Variants in COL23A1 observed in about 807,000 individuals in gnomAD.
COL23A1 encodes the protein collagen alpha-1(XXIII) chain.
Under a neutral mutation model 99.3 loss-of-function variants are expected in COL23A1, and 97 were observed. The ratio of observed to expected loss-of-function variants is 0.98; its 90% CI spans 0.83 to 1.16. COL23A1 has a LOEUF of 1.16. Among genes scored for constraint, COL23A1 ranks in the 50% most tolerant of loss-of-function variants. COL23A1 has a pLI of 0.00. For synonymous variants in COL23A1, 320 were observed against 308.2 expected, an observed-to-expected ratio of 1.04 and a Z score of -0.40; for missense variants, 762 against 757.4, an observed-to-expected ratio of 1.01 and a Z score of -0.07.
chr5:178,409,635 C>A (rs72822880), intron 2 of COL23A1, among the ~76,000 whole-genome samples: 30,557 of 152,098 alleles, frequency 0.2, 3,500 homozygotes, highest in East Asian at 0.47. Context: ...TTGAAACATT[C>A]TGTGAATCCA....
At chr5:178,356,445 G>A (rs1393191108) in intron 2 of COL23A1, among the ~76,000 whole-genome samples, 1 of 152,156 alleles carries the variant, frequency 6.6e-6, no homozygotes, top group Non-Finnish European at 1.5e-5. Context: ...GGGGGCATTT[G>A]TTTGAGGTAT....
rs1346481085 is a variant in COL23A1, at chr5:178,313,404, G to T, written c.362-6485C>A. ...AGAAAACAAAACAAACACCCCAGGG[G>T]TCTCAGCTACCCCTGAGCGAGGCTG... On this transcript the variant is annotated intron_variant, in intron 2 of 28. Coordinates refer to ENST00000390654, the MANE Select transcript of COL23A1 (RefSeq NM_173465.4). This position sits in a 1 kb window ranked among gnomAD's most constrained non-coding sequence, Gnocchi z 4.2. Among the ~76,000 whole-genome samples the T allele has an allele frequency of 6.6e-6, 1 of 152,214 alleles. No homozygotes were observed. The highest frequency in any genetic ancestry group is 2.4e-5 in the African/African-American group (1 of 41,444).
intron 8 of COL23A1, 135 bp downstream of exon 8, chr5:178,267,172 G>T: frequency 1.1e-6 from 1 of 946,988 alleles, no homozygotes; most frequent in Non-Finnish European, 1.7e-6. Context: ...GGTGCTATGG[G>T]TGGGGAAGAG....
In COL23A1 at chr5:178,589,883, G is replaced by T. The variant is rs1235756388; in HGVS notation, c.294+21C>A. The T allele has an allele frequency of 1.5e-6, 2 of 1,295,852 alleles. No individual in the cohort carries two copies. The highest frequency in any genetic ancestry group is 1.9e-6 in the Non-Finnish European group (2 of 1,026,172). The allele number at this position is 1,295,852 out of a possible 1,614,324, so 80.3% of individuals were successfully genotyped here. A position where few individuals can be genotyped will look rare whatever the true frequency, so the allele number is the denominator to read the frequency against. On this transcript the variant is annotated intron_variant, in intron 1 of 28. Coordinates refer to ENST00000390654, the MANE Select transcript of COL23A1 (RefSeq NM_173465.4). The surrounding 1 kb of genome is among the most constrained non-coding windows in gnomAD (Gnocchi z 5.4). Reference sequence around the variant, plus strand: ...ACCCGACACACCCAAGTCCGCCCCAGCCACGCGCCAAGACGCTCACCTCCC... The same window carrying T: ...ACCCGACACACCCAAGTCCGCCCCATCCACGCGCCAAGACGCTCACCTCCC...
chr5:178,282,560 G>A (rs1160986471), intron 5 of COL23A1, among the ~76,000 whole-genome samples: 1 of 152,214 alleles, frequency 6.6e-6, no homozygotes, highest in Non-Finnish European at 1.5e-5. Flanking sequence ...GGGTCACATA[G>A]CCTGGGTGCT....
intron 2 of COL23A1, among the ~76,000 whole-genome samples, chr5:178,469,024 C>T (rs7709200): frequency 0.015 from 2,211 of 152,318 alleles, 50 homozygotes; most frequent in African/African-American, 0.05. Context: ...CTGTGTGTGG[C>T]TTATTTCACT....
At chr5:178,565,908 T>A (rs1581650785) in intron 1 of COL23A1, among the ~76,000 whole-genome samples, 1 of 149,732 alleles carries the variant, frequency 6.7e-6, no homozygotes, top group African/African-American at 2.5e-5. Context: ...AGGTCAGGAG[T>A]TCGTGACTAG....
intron 24 of COL23A1, 119 bp downstream of exon 24, chr5:178,246,135 G>A: frequency 2.2e-6 from 3 of 1,343,250 alleles, no homozygotes; most frequent in Non-Finnish European, 3.1e-6. Flanking sequence ...CACAGAGCCT[G>A]AACTCTGGCC....
chr5:178,253,426 T>G (rs1166285443), intron 16 of COL23A1, among the ~76,000 whole-genome samples: 2 of 152,146 alleles, frequency 1.3e-5, no homozygotes, highest in Non-Finnish European at 2.9e-5. Context: ...ACACCTGCTT[T>G]CATTCACTGT....
chr5:178,293,837 A>G (rs1281614944), intron 3 of COL23A1, among the ~76,000 whole-genome samples: 1 of 152,042 alleles, frequency 6.6e-6, no homozygotes, highest in African/African-American at 2.4e-5. Flanking sequence ...TGGATGCTGC[A>G]TTTATATCGG....
At chr5:178,517,568 G>GTTTTTTTT (rs70997606) in intron 2 of COL23A1, among the ~76,000 whole-genome samples, 11 of 108,252 alleles carry the variant, frequency 1.0e-4, no homozygotes, top group South Asian at 3.2e-4. Context: ...TTTTTTTTTT[G>GTTTTTTTT]TTTTTTTTTT....
chr5:178,390,894 C>A (rs1763929385), intron 2 of COL23A1, among the ~76,000 whole-genome samples: 1 of 152,198 alleles, frequency 6.6e-6, no homozygotes, highest in Non-Finnish European at 1.5e-5. Context: ...TAATATGACA[C>A]CGAAAGCATA....
chr5:178,590,242 G>T lies in COL23A1; in HGVS notation c.-45C>A, dbSNP rs759655814. ...GACTCTCCGAGGGGGCGGTGCTGCTGGGGCAGAGGCTGGGTGCGAGAGGAG... is the reference window on the plus strand; with the variant it reads ...GACTCTCCGAGGGGGCGGTGCTGCTTGGGCAGAGGCTGGGTGCGAGAGGAG... On this transcript the variant is annotated 5_prime_UTR_variant, in exon 1 of 29. Coordinates refer to ENST00000390654, the MANE Select transcript of COL23A1 (RefSeq NM_173465.4). The surrounding 1 kb of genome is among the most constrained non-coding windows in gnomAD (Gnocchi z 5.7). 8.3e-7 allele frequency: 1 copy of T among 1,203,980 alleles called. No individual in the cohort carries two copies. 74.6% of individuals were successfully genotyped at this position (1,203,980 alleles called of 1,614,324 possible). A position where few individuals can be genotyped will look rare whatever the true frequency, so the allele number is the denominator to read the frequency against.
chr5:178,496,973 T>C (rs912338418), intron 2 of COL23A1, among the ~76,000 whole-genome samples: 19 of 152,328 alleles, frequency 1.2e-4, no homozygotes, highest in African/African-American at 4.6e-4. Context: ...TGGGCCTCTC[T>C]GAGAGGATCC....
chr5:178,312,634 T>C (rs1444875833), intron 2 of COL23A1, among the ~76,000 whole-genome samples: 3 of 150,606 alleles, frequency 2.0e-5, no homozygotes, highest in Admixed American at 1.3e-4. Flanking sequence ...GCCCGTCTTA[T>C]CAAGGTCCCT....
intron 2 of COL23A1, among the ~76,000 whole-genome samples, chr5:178,359,780 G>C (rs990371148): frequency 8.5e-5 from 13 of 152,238 alleles, no homozygotes; most frequent in African/African-American, 3.1e-4. Context: ...TCTTTGAAGG[G>C]AAAGGAGGAC....
intron 2 of COL23A1, among the ~76,000 whole-genome samples, chr5:178,311,563 C>T (rs947930630): frequency 2.2e-4 from 33 of 149,370 alleles, no homozygotes; most frequent in African/African-American, 6.7e-4. Flanking sequence ...TGGGTTCTTT[C>T]GTGTGTGTGT....
intron 2 of COL23A1, among the ~76,000 whole-genome samples, chr5:178,521,275 C>T (rs139040784): frequency 5.3e-5 from 8 of 152,284 alleles, no homozygotes; most frequent in East Asian, 3.9e-4. Flanking sequence ...TAAAGCTGGC[C>T]GGGCGCGGTG....
intron 2 of COL23A1, among the ~76,000 whole-genome samples, chr5:178,325,491 T>TTC (rs1053893918): frequency 2.0e-5 from 3 of 151,610 alleles, no homozygotes; most frequent in African/African-American, 7.3e-5. Context: ...TCTCCCTCTT[T>TTC]TTTTTTTTGG....
Sources: allele counts gnomAD v4.1 joint callset (sites outside exome capture counted in the v4.1 genomes callset), GRCh38; gene constraint gnomAD v4.1.1; non-coding constraint Gnocchi (gnomAD v3.1); transcripts MANE v1.5; gene names NCBI Gene and HGNC (gene_info 2026-07-23, HGNC 2026-07-21).